The following TCEA1 variants were observed in gnomAD, a reference collection of about 807,000 sequenced individuals.
The protein encoded by TCEA1 is transcription elongation factor A protein 1.
Under a neutral mutation model 43.8 loss-of-function variants are expected in TCEA1, and 21 were observed. That is an observed-to-expected ratio of 0.48 (90% CI 0.34 to 0.69). The LOEUF (loss-of-function observed/expected upper bound fraction) is 0.69, where lower values mean the gene tolerates loss of function less well. Ranked by LOEUF, TCEA1 falls within the 30% of genes least tolerant of loss-of-function variation. TCEA1 has a pLI of 0.01. For synonymous variants in TCEA1, 104 were observed against 117.5 expected (o/e 0.88, Z 0.75); for missense variants, 250 against 365.1 (o/e 0.68, Z 2.57).
intron 3 of TCEA1, among the ~76,000 whole-genome samples, chr8:53,997,156 C>T (rs1563494619): frequency 6.6e-6 from 1 of 152,014 alleles, no homozygotes; most frequent in African/African-American, 2.4e-5. Flanking sequence ...GATCTGCCTG[C>T]CTCAGCCTCC....
chr8:53,968,609 C>T (rs1447014043), intron 9 of TCEA1, among the ~76,000 whole-genome samples: 4 of 151,904 alleles, frequency 2.6e-5, no homozygotes, highest in African/African-American at 7.2e-5. Context: ...TTTGGGAGGC[C>T]GAGATGGGCA....
chr8:53,972,234 G>A lies in TCEA1; in HGVS notation c.826-1771C>T, dbSNP rs889075372. On this transcript the variant is annotated intron_variant, in intron 8 of 9. Coordinates refer to ENST00000521604, the MANE Select transcript of TCEA1 (RefSeq NM_006756.4). The stretch of plus-strand genomic sequence containing the variant: ...TGTTAGTAAAACAGGAAGTGATGAG[G>A]AATCTAAAAATGAAATTACAAGTAT... 12 of 351,352 alleles carry A rather than the reference G, an allele frequency of 3.4e-5. No homozygotes were observed. In the East Asian group the frequency reaches 9.1e-4, roughly 27 times the overall value. 21.8% of individuals were successfully genotyped at this position (351,352 alleles called of 1,614,324 possible).
chr8:53,983,980 A>T (rs1803604925), intron 7 of TCEA1, among the ~76,000 whole-genome samples: 1 of 152,142 alleles, frequency 6.6e-6, no homozygotes, highest in South Asian at 2.1e-4. Flanking sequence ...CACGCCTGTA[A>T]TCCCATCTAC....
chr8:53,973,263 T>C, intron 8 of TCEA1: 1 of 485,956 alleles, frequency 2.1e-6, no homozygotes, highest in Non-Finnish European at 3.9e-6. Context: ...GATATGGAAA[T>C]GGAAACGAAG....
chr8:54,013,196 G>T (rs983276524), intron 1 of TCEA1, among the ~76,000 whole-genome samples: 1 of 152,116 alleles, frequency 6.6e-6, no homozygotes, highest in Non-Finnish European at 1.5e-5. Context: ...TTTCCAAGTA[G>T]AGGCAATATA....
At chr8:53,972,109 C>G (rs1193947888) in intron 8 of TCEA1, 1 of 271,898 alleles carries the variant, frequency 3.7e-6, no homozygotes, top group African/African-American at 2.3e-5. Context: ...GAAATGCAAC[C>G]AGTGGTTCCA....
chr8:53,999,243 A>AAAAG (rs1383523054), intron 3 of TCEA1, among the ~76,000 whole-genome samples: 17 of 150,142 alleles, frequency 1.1e-4, no homozygotes, highest in African/African-American at 2.9e-4. Flanking sequence ...AAAAAAAAAA[A>AAAAG]AAAGAAAGAA....
At chr8:53,980,971 C>A (rs1022942598) in intron 7 of TCEA1, among the ~76,000 whole-genome samples, 1 of 152,090 alleles carries the variant, frequency 6.6e-6, no homozygotes, top group East Asian at 1.9e-4. Flanking sequence ...GCCTTATTGC[C>A]GATATGAAAA....
rs756639646 is a variant in TCEA1, at chr8:54,022,136, G to A, written c.-11C>T. The A allele has an allele frequency of 1.1e-5, 18 of 1,602,528 alleles. No homozygotes were observed. The South Asian group carries it at 1.8e-4, about 16-fold the overall frequency. On this transcript the variant is annotated 5_prime_UTR_variant, in exon 1 of 10. Coordinates refer to ENST00000521604, the MANE Select transcript of TCEA1 (RefSeq NM_006756.4). Reference sequence around the variant, plus strand: ...CACTTCGTCCTCCATGGCTCCGGCAGGTCTTCTCCGCGCCCACCCCGCTGG... The same window carrying A: ...CACTTCGTCCTCCATGGCTCCGGCAAGTCTTCTCCGCGCCCACCCCGCTGG...
chr8:54,004,401 C>T (rs1335279584), intron 2 of TCEA1, among the ~76,000 whole-genome samples: 1 of 152,144 alleles, frequency 6.6e-6, no homozygotes, highest in African/African-American at 2.4e-5. Flanking sequence ...AATGGATAAA[C>T]AACATGTGAA....
At chr8:54,002,193 CG>C (rs1804291641) in intron 2 of TCEA1, among the ~76,000 whole-genome samples, 1 of 145,600 alleles carries the variant, frequency 6.9e-6, no homozygotes, top group African/African-American at 2.6e-5. Flanking sequence ...AAAAAAAGGG[CG>C]GGTATGGTGG....
At chr8:53,990,916 TTCTA>T (rs1275064305) in intron 4 of TCEA1, among the ~76,000 whole-genome samples, 1 of 152,228 alleles carries the variant, frequency 6.6e-6, no homozygotes, top group African/African-American at 2.4e-5. Flanking sequence ...AGATTTAACC[TTCTA>T]TCTTTCTTTA....
At chr8:53,986,893 G>A (rs952825509) in intron 6 of TCEA1, 76 bp downstream of exon 6, 38 of 1,151,600 alleles carry the variant, frequency 3.3e-5, no homozygotes, top group Middle Eastern at 2.9e-4. Context: ...ATGTAAAACC[G>A]TGCCTGGCAT....
chr8:54,007,794 A>G (rs184096096), intron 2 of TCEA1, among the ~76,000 whole-genome samples: 328 of 152,354 alleles, frequency 2.2e-3, no homozygotes, highest in Non-Finnish European at 4.1e-3. Context: ...GATAATAAAA[A>G]ACATCAACCA....
At chr8:54,005,837 C>T (rs778348173) in intron 2 of TCEA1, among the ~76,000 whole-genome samples, 1 of 152,200 alleles carries the variant, frequency 6.6e-6, no homozygotes, top group African/African-American at 2.4e-5. Flanking sequence ...TGCCTAACAC[C>T]TTTCAGTAGT....
chr8:54,018,536 C>G (rs1804915165), intron 1 of TCEA1, among the ~76,000 whole-genome samples: 1 of 152,154 alleles, frequency 6.6e-6, no homozygotes, highest in Non-Finnish European at 1.5e-5. Context: ...CCTAAAATCA[C>G]ACAGCTAAAG....
At chr8:54,004,040 T>C (rs1028270820) in intron 2 of TCEA1, among the ~76,000 whole-genome samples, 6 of 152,002 alleles carry the variant, frequency 3.9e-5, no homozygotes, top group African/African-American at 1.4e-4. Context: ...GAAAAGATAT[T>C]CAACATCCTT....
chr8:53,988,639 C>T (rs553950806), intron 4 of TCEA1, among the ~76,000 whole-genome samples: 98 of 152,082 alleles, frequency 6.4e-4, no homozygotes, highest in African/African-American at 2.2e-3. Flanking sequence ...TTTTTTGAGA[C>T]GGAGTCTTGC....
rs369947197 is a variant in TCEA1 at position 53,977,261 on chromosome 8, A to G, written c.825+1764T>C. On this transcript the variant is annotated intron_variant, in intron 8 of 9. Coordinates refer to ENST00000521604, the MANE Select transcript of TCEA1 (RefSeq NM_006756.4). ...CGTGAACCCGGGAGGCGGAGTTTGCAGTGAGCTGAGATGGCGCCACTGCAC... is the reference window on the plus strand; with the variant it reads ...CGTGAACCCGGGAGGCGGAGTTTGCGGTGAGCTGAGATGGCGCCACTGCAC... Among the ~76,000 whole-genome samples, 5 of 152,234 alleles carry G rather than the reference A, an allele frequency of 3.3e-5. 1 individual carries two copies. The East Asian group carries it at 9.6e-4, about 29-fold the overall frequency.
Sources: gnomAD v4.1 joint callset for allele counts (sites outside exome capture counted in the v4.1 genomes callset) on GRCh38, gnomAD v4.1.1 for gene constraint, MANE v1.5 for transcripts, NCBI Gene and HGNC (gene_info 2026-07-23, HGNC 2026-07-21) for gene names.